Variants in OSTF1 observed in about 807,000 individuals in gnomAD.
OSTF1 encodes the protein osteoclast-stimulating factor 1.
OSTF1 carries 27 observed loss-of-function variants against 37.2 expected under a neutral mutation model. That is an observed-to-expected ratio of 0.73 (90% CI 0.54 to 1.00). The LOEUF is 1.00. OSTF1 is among the 50% of genes least tolerant of loss of function. OSTF1 has a pLI of 0.00. For missense variants in OSTF1, 232 were observed against 253.8 expected, an observed-to-expected ratio of 0.91 and a Z score of 0.58; for synonymous variants, 82 against 89.2, an observed-to-expected ratio of 0.92 and a Z score of 0.46.
At chr9:75,146,535 A>G (rs1262940492) in intron 9 of OSTF1, 148 bp from the exon 10 acceptor site, 1 of 646,264 alleles carries the variant, frequency 1.5e-6, no homozygotes, top group East Asian at 3.0e-5. Context: ...GCTGAAAAGC[A>G]AAAGCAGAGA....
In OSTF1 at chr9:75,088,735, G is replaced by T; in HGVS notation, c.34+9G>T. 1 of 1,605,572 alleles carries T rather than the reference G, an allele frequency of 6.2e-7. No homozygotes were observed. Among genetic ancestry groups the T allele is most frequent in the Non-Finnish European group, 8.5e-7 (1 of 1,175,734 alleles). On this transcript the variant is annotated intron_variant, in intron 1 of 9. Coordinates refer to ENST00000346234, the MANE Select transcript of OSTF1 (RefSeq NM_012383.5). Reference sequence around the variant, plus strand: ...CAAACCAGTCAAACCAGGTGAGGGAGGTAAGGTAGGCGCTTGCCAGGTCCT... The same window carrying T: ...CAAACCAGTCAAACCAGGTGAGGGATGTAAGGTAGGCGCTTGCCAGGTCCT...
chr9:75,101,537 C>T (rs1385091076), intron 1 of OSTF1, among the ~76,000 whole-genome samples: 2 of 152,260 alleles, frequency 1.3e-5, no homozygotes, highest in South Asian at 2.1e-4. Context: ...TGTGGAGGCT[C>T]TTGTACGTGC....
chr9:75,142,565 T>C (rs1825960101), intron 9 of OSTF1, among the ~76,000 whole-genome samples: 1 of 152,140 alleles, frequency 6.6e-6, no homozygotes, highest in Non-Finnish European at 1.5e-5. Flanking sequence ...CCAGAAGCCT[T>C]ACTCAGGAGT....
chr9:75,145,189 G>A (rs77742769), intron 9 of OSTF1, among the ~76,000 whole-genome samples: 13,415 of 91,950 alleles, frequency 0.15, 789 homozygotes, highest in Middle Eastern at 0.24. Context: ...TCTATCTATC[G>A]GTTTGATCTA....
chr9:75,123,140 G>A (rs915427975), intron 2 of OSTF1, among the ~76,000 whole-genome samples: 1 of 152,226 alleles, frequency 6.6e-6, no homozygotes, highest in Admixed American at 6.5e-5. Context: ...AACAAAGAAA[G>A]GCCGGGCGCA....
chr9:75,128,952 T>C (rs774685537), intron 3 of OSTF1, among the ~76,000 whole-genome samples: 5 of 152,018 alleles, frequency 3.3e-5, no homozygotes, highest in Non-Finnish European at 7.4e-5. Context: ...AATAATAATA[T>C]GTTATTTTCC....
intron 1 of OSTF1, among the ~76,000 whole-genome samples, chr9:75,114,479 T>G (rs1358614470): frequency 6.6e-6 from 1 of 152,150 alleles, no homozygotes; most frequent in African/African-American, 2.4e-5. Context: ...ACTTTTCTAT[T>G]ATTGTGTGAA....
intron 1 of OSTF1, among the ~76,000 whole-genome samples, chr9:75,106,710 C>T (rs532363922): frequency 4.0e-5 from 6 of 148,282 alleles, no homozygotes; most frequent in Admixed American, 2.0e-4. Flanking sequence ...AATCCCAGCA[C>T]TTTGGGAGGC....
At chr9:75,125,361 A>C (rs112674652) in intron 2 of OSTF1, among the ~76,000 whole-genome samples, 9 of 152,316 alleles carry the variant, frequency 5.9e-5, no homozygotes, top group Middle Eastern at 3.4e-3. Flanking sequence ...TATATCTATC[A>C]CATATTGGTA....
intron 1 of OSTF1, among the ~76,000 whole-genome samples, chr9:75,113,535 G>T (rs980536518): frequency 2.0e-5 from 3 of 150,592 alleles, no homozygotes; most frequent in African/African-American, 7.3e-5. Flanking sequence ...TGCAACCTCC[G>T]CCTTCTGGGT....
chr9:75,126,076 AT>A, intron 2 of OSTF1, among the ~76,000 whole-genome samples: 1 of 152,034 alleles, frequency 6.6e-6, no homozygotes, highest in East Asian at 1.9e-4. Flanking sequence ...CACCTGGCAC[AT>A]TTTTTGTGTG....
intron 5 of OSTF1, among the ~76,000 whole-genome samples, chr9:75,132,241 G>T (rs1205168801): frequency 2.0e-5 from 3 of 152,164 alleles, no homozygotes. Flanking sequence ...AGAATGGAAG[G>T]GTCTGGTGGG....
At position 75,133,392 on chromosome 9, in the gene OSTF1, G is replaced by A; in HGVS notation, c.349G>A (p.Gly117Ser). 6.3e-7 allele frequency: 1 copy of A among 1,589,224 alleles called. No homozygotes were observed. The highest frequency in any genetic ancestry group is 8.6e-7 in the Non-Finnish European group (1 of 1,158,542). ...STALYWACHG[G>S]HKDIVEMLFT... The stretch of plus-strand genomic sequence containing the variant: ...TGCCTTATACTGGGCTTGCCACGGG[G>A]GCCACAAAGGTATTACATTTTGTTT... Residue 117 changes from glycine to serine, a missense_variant, in exon 6 of 10, where the codon GGC becomes AGC. Physicochemically the swap from Gly to Ser is moderately conservative, Grantham distance 56. Transcript: ENST00000346234.
chr9:75,091,662 G>T (rs943492914), intron 1 of OSTF1, among the ~76,000 whole-genome samples: 2 of 152,184 alleles, frequency 1.3e-5, no homozygotes, highest in African/African-American at 4.8e-5. Context: ...TTTAAACCTT[G>T]CCTCATTCCA....
At chr9:75,089,492 T>C (rs1402178971) in intron 1 of OSTF1, among the ~76,000 whole-genome samples, 2 of 152,196 alleles carry the variant, frequency 1.3e-5, no homozygotes, top group African/African-American at 4.8e-5. Context: ...TTCTGTGATA[T>C]GCAGAAATAA....
At chr9:75,132,948 AT>A (rs1422745431) in intron 5 of OSTF1, among the ~76,000 whole-genome samples, 1 of 150,654 alleles carries the variant, frequency 6.6e-6, no homozygotes, top group East Asian at 1.9e-4. Context: ...AAAGAAAAAA[AT>A]AATATATACA....
chr9:75,133,357 C>G lies in OSTF1; in HGVS notation c.314C>G (p.Ala105Gly). ...GTGGGTGTTAATGGCTTAGACAAAG[C>G]TGGAAGCACTGCCTTATACTGGGCT... ...NRVGVNGLDKAGSTALYWACH... is the reference protein window; with the variant it reads ...NRVGVNGLDKGGSTALYWACH... Residue 105 changes from alanine (A) to glycine (G), a missense_variant, in exon 6 of 10, where the codon GCT becomes GGT. Coordinates refer to ENST00000346234, the MANE Select transcript of OSTF1 (RefSeq NM_012383.5). 1.2e-6 allele frequency: 2 copies of G among 1,612,810 alleles called. No homozygotes were observed. Among genetic ancestry groups the G allele is most frequent in the Non-Finnish European group, 1.7e-6 (2 of 1,178,912 alleles).
At chr9:75,112,345 TG>T (rs916455069) in intron 1 of OSTF1, among the ~76,000 whole-genome samples, 1 of 152,176 alleles carries the variant, frequency 6.6e-6, no homozygotes, top group Non-Finnish European at 1.5e-5. Context: ...AAGTCATCTG[TG>T]TTTCTTCTTT....
chr9:75,131,704 G>C, intron 4 of OSTF1, 66 bp from the exon 5 acceptor site: 1 of 1,195,352 alleles, frequency 8.4e-7, no homozygotes, highest in Non-Finnish European at 1.3e-6. Context: ...TGGTGAATGA[G>C]TGGCTTCAGT....
Sources: gnomAD v4.1 joint callset for allele counts (sites outside exome capture counted in the v4.1 genomes callset) on GRCh38, gnomAD v4.1.1 for gene constraint, MANE v1.5 for transcripts, NCBI Gene and HGNC (gene_info 2026-07-23, HGNC 2026-07-21) for gene names.